MAPKAP1: variants seen among roughly 807,000 people sequenced by gnomAD.
MAPKAP1 encodes the protein MAPK associated protein 1, also known as target of rapamycin complex 2 subunit MAPKAP1.
MAPKAP1 carries 20 observed loss-of-function variants against 65.7 expected under a neutral mutation model. That is an observed-to-expected ratio of 0.30 (90% CI 0.21 to 0.44). The LOEUF (loss-of-function observed/expected upper bound fraction) is 0.44. Among genes scored for constraint, MAPKAP1 ranks in the 20% least tolerant of loss-of-function variants. The pLI, the probability that MAPKAP1 is intolerant of heterozygous loss-of-function variation, is 1.00. For synonymous variants in MAPKAP1, 222 were observed against 244.3 expected (o/e 0.91, Z 0.85); for missense variants, 423 against 648.0 (o/e 0.65, Z 3.77).
At chr9:125,455,961 A>T (rs1056617612) in intron 10 of MAPKAP1, among the ~76,000 whole-genome samples, 1 of 151,990 alleles carries the variant, frequency 6.6e-6, no homozygotes, top group African/African-American at 2.4e-5. Context: ...ATTTTTTTTG[A>T]TTGCCTGAAA....
chr9:125,682,051 T>C (rs1197392395), intron 1 of MAPKAP1, among the ~76,000 whole-genome samples: 1 of 152,090 alleles, frequency 6.6e-6, no homozygotes, highest in East Asian at 1.9e-4. Context: ...CATGAGCCAC[T>C]GTGCCCCTCC....
chr9:125,537,601 C>T (rs942949910), intron 7 of MAPKAP1, among the ~76,000 whole-genome samples: 2 of 152,184 alleles, frequency 1.3e-5, no homozygotes, highest in African/African-American at 2.4e-5. Flanking sequence ...CCCACATCAG[C>T]CTCCCCAGTC....
intron 8 of MAPKAP1, among the ~76,000 whole-genome samples, chr9:125,494,823 G>A (rs923981610): frequency 5.3e-5 from 8 of 152,028 alleles, no homozygotes; most frequent in African/African-American, 1.9e-4. Context: ...CACCTGCTCT[G>A]GTCCCCTGCT....
intron 7 of MAPKAP1, among the ~76,000 whole-genome samples, chr9:125,510,230 T>A (rs1260396387): frequency 6.6e-6 from 1 of 152,180 alleles, no homozygotes; most frequent in Non-Finnish European, 1.5e-5. Flanking sequence ...CTAAAGCTAG[T>A]CTGCCTTGAA....
intron 9 of MAPKAP1, among the ~76,000 whole-genome samples, chr9:125,473,897 C>T (rs960616372): frequency 2.6e-5 from 4 of 152,168 alleles, no homozygotes; most frequent in African/African-American, 9.7e-5. Flanking sequence ...TTGGGAAAAA[C>T]TTCTATAAAA....
intron 7 of MAPKAP1, among the ~76,000 whole-genome samples, chr9:125,513,673 G>C (rs1479724015): frequency 1.3e-5 from 2 of 152,190 alleles, no homozygotes. Context: ...AATGAGAGCT[G>C]CTATTATTGC....
intron 11 of MAPKAP1, among the ~76,000 whole-genome samples, chr9:125,442,690 T>C (rs1322055235): frequency 1.3e-5 from 2 of 152,130 alleles, no homozygotes; most frequent in Admixed American, 6.5e-5. Flanking sequence ...GGCAGGCCCG[T>C]GTCCCCACTC....
chr9:125,567,550 TA>T (rs1368309975), intron 5 of MAPKAP1: 2 of 152,248 alleles, frequency 1.3e-5, no homozygotes, highest in African/African-American at 4.8e-5. Context: ...AAGAAATAAC[TA>T]TAAAAATAGG....
At chr9:125,698,186 T>C (rs554967098) in intron 1 of MAPKAP1, among the ~76,000 whole-genome samples, 3 of 146,822 alleles carry the variant, frequency 2.0e-5, no homozygotes, top group South Asian at 2.1e-4. Flanking sequence ...TATATATATA[T>C]ACACACACAT....
chr9:125,661,888 C>T (rs1834195678), intron 3 of MAPKAP1, among the ~76,000 whole-genome samples: 1 of 151,922 alleles, frequency 6.6e-6, no homozygotes, highest in African/African-American at 2.4e-5. Flanking sequence ...AACTTTGTTA[C>T]CCAGCAAATG....
chr9:125,703,989 A>G (rs778716706), intron 1 of MAPKAP1, among the ~76,000 whole-genome samples: 1 of 152,150 alleles, frequency 6.6e-6, no homozygotes, highest in Non-Finnish European at 1.5e-5. Context: ...CAAAAAAGAA[A>G]AACATTTAAA....
At chr9:125,576,832 C>T (rs1831418728) in intron 5 of MAPKAP1, among the ~76,000 whole-genome samples, 2 of 152,078 alleles carry the variant, frequency 1.3e-5, no homozygotes, top group Admixed American at 6.5e-5. Flanking sequence ...TCAATGGTGC[C>T]CAGGCTGGAG....
intron 9 of MAPKAP1, among the ~76,000 whole-genome samples, chr9:125,480,537 T>A (rs374658550): frequency 6.6e-6 from 1 of 152,250 alleles, no homozygotes; most frequent in East Asian, 1.9e-4. Context: ...TGGCCACAAG[T>A]GGAACTTTGC....
chr9:125,663,660 G>A (rs1834253876), intron 3 of MAPKAP1, among the ~76,000 whole-genome samples: 1 of 152,170 alleles, frequency 6.6e-6, no homozygotes. Flanking sequence ...GACCAGAGAA[G>A]TAGAAAAAGT....
At chr9:125,552,735 C>G (rs1417300638) in intron 6 of MAPKAP1, among the ~76,000 whole-genome samples, 1 of 152,010 alleles carries the variant, frequency 6.6e-6, no homozygotes, top group African/African-American at 2.4e-5. Context: ...GGTTCAAGAG[C>G]CCCCAGGAAT....
At position 125,438,879 on chromosome 9, in the gene MAPKAP1, G is replaced by A. The variant is rs1393267113; in HGVS notation, c.*8C>T. 5 of 1,614,026 alleles carry A rather than the reference G, an allele frequency of 3.1e-6. No individual in the cohort carries two copies. Among genetic ancestry groups the A allele is most frequent in the South Asian group, 1.1e-5 (1 of 91,082 alleles). On this transcript the variant is annotated 3_prime_UTR_variant, in exon 12 of 12. Coordinates refer to ENST00000265960, the MANE Select transcript of MAPKAP1 (RefSeq NM_001006617.3). ...AGCTACGGAACAGATTGAGGCTGGA[G>A]GCCAGTGTCACTGCTGCCCGGATTT...
At chr9:125,645,099 CAAAAGA>C (rs1228026035) in intron 4 of MAPKAP1, among the ~76,000 whole-genome samples, 1 of 151,750 alleles carries the variant, frequency 6.6e-6, no homozygotes, top group African/African-American at 2.4e-5. Flanking sequence ...TAACCGTCAC[CAAAAGA>C]AAAAGGGGAG....
chr9:125,683,747 C>T (rs1233863185), intron 1 of MAPKAP1, among the ~76,000 whole-genome samples: 1 of 152,136 alleles, frequency 6.6e-6, no homozygotes, highest in African/African-American at 2.4e-5. Context: ...AAATTCATAT[C>T]GTTTTAAGCA....
intron 11 of MAPKAP1, among the ~76,000 whole-genome samples, chr9:125,442,347 C>T (rs1403349611): frequency 1.3e-5 from 2 of 152,042 alleles, no homozygotes; most frequent in African/African-American, 4.8e-5. Context: ...AGAGAAGCAT[C>T]TGCTTCGAGG....
Sources: gnomAD v4.1 joint callset for allele counts (sites outside exome capture counted in the v4.1 genomes callset) on GRCh38, gnomAD v4.1.1 for gene constraint, MANE v1.5 for transcripts, NCBI Gene and HGNC (gene_info 2026-07-23, HGNC 2026-07-21) for gene names.